PRKDC: variants seen among roughly 807,000 people sequenced by gnomAD.
The protein encoded by PRKDC is DNA-dependent protein kinase catalytic subunit.
In PRKDC, 82 loss-of-function variants were observed where a neutral mutation model predicts 486.9. The ratio of observed to expected loss-of-function variants is 0.17; its 90% CI spans 0.14 to 0.20. The LOEUF (loss-of-function observed/expected upper bound fraction) is 0.20, where lower values mean the gene tolerates loss of function less well. Among genes scored for constraint, PRKDC ranks in the 10% least tolerant of loss-of-function variants. The pLI, the probability that PRKDC is intolerant of heterozygous loss-of-function variation, is 1.00. For missense variants in PRKDC, 4,504 were observed against 5,038.2 expected (o/e 0.89, Z 3.21); for synonymous variants, 1,895 against 1,837.0 (o/e 1.03, Z -0.81).
intron 68 of PRKDC, among the ~76,000 whole-genome samples, chr8:47,816,084 C>A (rs1309205722): frequency 6.6e-6 from 1 of 151,946 alleles, no homozygotes; most frequent in Non-Finnish European, 1.5e-5. Context: ...CATGGTAGTG[C>A]GTGCCTGTAA....
At chr8:47,849,106 C>A (rs746506679) in intron 54 of PRKDC, 48 bp downstream of exon 54, 3 of 1,588,340 alleles carry the variant, frequency 1.9e-6, no homozygotes, top group African/African-American at 1.4e-5. Flanking sequence ...AATAAATTAA[C>A]GCTTTATGAG....
At position 47,960,132 on chromosome 8, in the gene PRKDC, C is replaced by A; in HGVS notation, c.-6G>T. The A allele has an allele frequency of 6.7e-7, 1 of 1,483,752 alleles. No homozygotes were observed. The highest frequency in any genetic ancestry group is 2.8e-5 in the East Asian group (1 of 36,316). 91.9% of individuals were successfully genotyped at this position (1,483,752 alleles called of 1,614,324 possible). ...CCGGCTCCGGAGCCCGCCATGCCGC[C>A]GAGTCCCGCTCCCGCGCGTGCGCCC... On this transcript the variant is annotated 5_prime_UTR_variant, in exon 1 of 86. Transcript: ENST00000314191.
chr8:47,775,345 C>T (rs2086589350), intron 85 of PRKDC, among the ~76,000 whole-genome samples: 1 of 146,684 alleles, frequency 6.8e-6, no homozygotes, highest in Non-Finnish European at 1.5e-5. Context: ...AAAGAAATGT[C>T]AGTTCAAGTC....
rs776197997 is a variant in PRKDC, at chr8:47,864,727, G to C, written c.5400C>G (p.Ser1800Arg). ...SCVTQVGLLESVYEMFRKDDP... is the reference protein window; with the variant it reads ...SCVTQVGLLERVYEMFRKDDP... ...CATCCTTCCTGAACATTTCATACAC[G>C]CTTTCCAGAAGGCCTACTTGTGTGA... The change falls in exon 41 of 86, where the codon AGC becomes AGG. Residue 1800 changes from serine (S) to arginine (R), a missense_variant. By Grantham distance (110) the Ser-to-Arg change is moderately radical (BLOSUM62 -1). Around this residue, in one of 6 missense-constraint regions of PRKDC, gnomAD observed 1,969 missense variants for 2,068.9 expected, o/e 0.95. Transcript: ENST00000314191. 6.2e-7 allele frequency: 1 copy of C among 1,603,326 alleles called. No homozygotes were observed. The highest frequency in any genetic ancestry group is 1.3e-5 in the African/African-American group (1 of 74,692).
At chr8:47,781,557 T>A (rs2086699449) in intron 80 of PRKDC, among the ~76,000 whole-genome samples, 1 of 152,340 alleles carries the variant, frequency 6.6e-6, no homozygotes, top group South Asian at 2.1e-4. Flanking sequence ...ATGTTTCTCA[T>A]GTTGTCCTTG....
At chr8:47,885,630 C>G (rs977050056) in intron 36 of PRKDC, among the ~76,000 whole-genome samples, 9 of 152,196 alleles carry the variant, frequency 5.9e-5, no homozygotes, top group African/African-American at 1.7e-4. Context: ...CAGTGGCTCA[C>G]GCCTGTAATC....
intron 21 of PRKDC, among the ~76,000 whole-genome samples, chr8:47,923,043 T>C (rs2090097854): frequency 6.6e-6 from 1 of 152,114 alleles, no homozygotes; most frequent in Non-Finnish European, 1.5e-5. Flanking sequence ...TCAAGGACTT[T>C]GCCTGTACCA....
chr8:47,836,815 C>T (rs973310955), intron 57 of PRKDC, among the ~76,000 whole-genome samples: 8 of 152,228 alleles, frequency 5.3e-5, no homozygotes. Flanking sequence ...ATGAGTCAAG[C>T]GACCCAGCTT....
chr8:47,957,510 T>C, intron 1 of PRKDC, 79 bp from the exon 2 acceptor site: 1 of 1,209,850 alleles, frequency 8.3e-7, no homozygotes. Context: ...GTTGCAATGA[T>C]TTTCTTATTA....
intron 85 of PRKDC, among the ~76,000 whole-genome samples, chr8:47,775,721 C>A (rs1442585919): frequency 2.0e-5 from 3 of 151,880 alleles, no homozygotes; most frequent in African/African-American, 7.3e-5. Context: ...TTGATGAAGT[C>A]CAATGTATAT....
intron 73 of PRKDC, among the ~76,000 whole-genome samples, chr8:47,796,925 T>C (rs1199960783): frequency 6.6e-6 from 1 of 152,204 alleles, no homozygotes; most frequent in African/African-American, 2.4e-5. Context: ...CGGTATTTTC[T>C]TTTTCTGTAT....
At chr8:47,921,115 C>T (rs575231077) in intron 21 of PRKDC, among the ~76,000 whole-genome samples, 13 of 152,114 alleles carry the variant, frequency 8.5e-5, no homozygotes, top group Non-Finnish European at 1.2e-4. Flanking sequence ...ATTAGCCAGG[C>T]GTGGTGGCGG....
intron 40 of PRKDC, among the ~76,000 whole-genome samples, chr8:47,874,520 G>A (rs778999001): frequency 6.6e-6 from 1 of 152,140 alleles, no homozygotes; most frequent in Admixed American, 6.5e-5. Context: ...CACTTTGGGC[G>A]GCTGAGGCGG....
At chr8:47,793,829 TAC>T (rs1436315974) in intron 74 of PRKDC, among the ~76,000 whole-genome samples, 1 of 151,924 alleles carries the variant, frequency 6.6e-6, no homozygotes, top group African/African-American at 2.4e-5. Context: ...ACTACAACAC[TAC>T]ACAGTTTGTG....
At chr8:47,877,565 TATA>T (rs770601890) in intron 40 of PRKDC, among the ~76,000 whole-genome samples, 156 bp downstream of exon 40, 4 of 152,304 alleles carry the variant, frequency 2.6e-5, no homozygotes, top group African/African-American at 7.2e-5. Context: ...GTTTGAAAAT[TATA>T]ATAATAAAAG....
At chr8:47,867,303 T>C (rs1465908011) in intron 40 of PRKDC, among the ~76,000 whole-genome samples, 6 of 152,202 alleles carry the variant, frequency 3.9e-5, no homozygotes, top group East Asian at 3.8e-4. Flanking sequence ...GCTCATTATA[T>C]AGCTTTGATT....
chr8:47,852,803 A>T lies in PRKDC; in HGVS notation c.6894-19T>A. The T allele has an allele frequency of 7.1e-7, 1 of 1,412,964 alleles. No individual in the cohort carries two copies. Among genetic ancestry groups the T allele is most frequent in the Non-Finnish European group, 9.7e-7 (1 of 1,026,022 alleles). The allele number at this position is 1,412,964 out of a possible 1,614,324, so 87.5% of individuals were successfully genotyped here. A position where few individuals can be genotyped will look rare whatever the true frequency, so the allele number is the denominator to read the frequency against. ...GAAGTATCTACAATAAACACAGAAA[A>T]GACATATGCATCAAATAAACCATTC... On this transcript the variant is annotated intron_variant, in intron 51 of 85. Coordinates refer to ENST00000314191, the MANE Select transcript of PRKDC (RefSeq NM_006904.7).
intron 68 of PRKDC, among the ~76,000 whole-genome samples, chr8:47,816,347 G>C (rs1165436379): frequency 1.3e-5 from 2 of 152,114 alleles, no homozygotes; most frequent in Non-Finnish European, 2.9e-5. Context: ...CCAAACAGAG[G>C]AACATTCCTC....
Position 47,803,606 on chromosome 8 carries a change from G to A in PRKDC, c.9748-126C>T, listed in dbSNP as rs777045348. On this transcript the variant is annotated intron_variant, in intron 69 of 85. Coordinates refer to ENST00000314191, the MANE Select transcript of PRKDC (RefSeq NM_006904.7). Reference sequence around the variant, plus strand: ...TTAGAGTAGCGAATCCATTTCTTTAGCTTCAATTATGTCTCTAAATTTATC... The same window carrying A: ...TTAGAGTAGCGAATCCATTTCTTTAACTTCAATTATGTCTCTAAATTTATC... The A allele has an allele frequency of 4.5e-5, 36 of 807,834 alleles. 1 individual carries two copies. Among genetic ancestry groups the A allele is most frequent in the South Asian group, 8.0e-5 (5 of 62,624 alleles). 50.0% of individuals were successfully genotyped at this position (807,834 alleles called of 1,614,324 possible).
Sources: allele counts gnomAD v4.1 joint callset (sites outside exome capture counted in the v4.1 genomes callset), GRCh38; gene constraint gnomAD v4.1.1; regional missense constraint gnomAD v4.1.1; transcripts MANE v1.5; gene names NCBI Gene and HGNC (gene_info 2026-07-23, HGNC 2026-07-21).